MESD: variants seen among roughly 807,000 people sequenced by gnomAD.
The protein encoded by MESD is mesoderm development LRP chaperone, also known as LRP chaperone MESD.
MESD carries 7 observed loss-of-function variants against 12.9 expected under a neutral mutation model. The ratio of observed to expected loss-of-function variants is 0.54; its 90% CI spans 0.31 to 1.02. The LOEUF (loss-of-function observed/expected upper bound fraction) is 1.02. Ranked by LOEUF, MESD falls within the 50% of genes least tolerant of loss-of-function variation. MESD has a pLI of 0.05. For synonymous variants in MESD, 126 were observed against 115.6 expected, an observed-to-expected ratio of 1.09 and a Z score of -0.58; for missense variants, 342 against 296.7, an observed-to-expected ratio of 1.15 and a Z score of -1.12.
At chr15:80,972,525 G>A (rs999231361), downstream of MESD, among the ~76,000 whole-genome samples, 1 of 152,200 alleles carries the variant, frequency 6.6e-6, no homozygotes, top group Admixed American at 6.5e-5. Flanking sequence ...AGAGCTGTGG[G>A]TAGAAGTACA....
chr15:80,984,928 A>G (rs1481298176), intron 1 of MESD, among the ~76,000 whole-genome samples: 1 of 152,260 alleles, frequency 6.6e-6, no homozygotes, highest in East Asian at 1.9e-4. Flanking sequence ...AAGGTGATCC[A>G]TACCGACGTC....
intron 3 of MESD, among the ~76,000 whole-genome samples, chr15:80,956,925 C>T: frequency 6.6e-6 from 1 of 152,108 alleles, no homozygotes; most frequent in East Asian, 1.9e-4. Flanking sequence ...TCAAGGGATC[C>T]TCCTACCTCA....
At position 80,978,015 on chromosome 15, in the gene MESD, C is replaced by T. The variant is rs960863918; in HGVS notation, c.*1204G>A. The T allele has an allele frequency of 4.6e-5, 7 of 152,128 alleles. No homozygotes were observed. The highest frequency in any genetic ancestry group is 1.7e-4 in the African/African-American group (7 of 41,408). 9.4% of individuals were successfully genotyped at this position (152,128 alleles called of 1,614,324 possible). The stretch of plus-strand genomic sequence containing the variant: ...GGAAACAGATGCTGTGAGGCCAAAA[C>T]AAACATACATCACCATAAGTACATT... On this transcript the variant is annotated 3_prime_UTR_variant, in exon 3 of 3. Coordinates refer to ENST00000261758, the MANE Select transcript of MESD (RefSeq NM_015154.3).
chr15:80,966,032 T>A (rs1363172147), intron 3 of MESD, among the ~76,000 whole-genome samples: 1 of 152,220 alleles, frequency 6.6e-6, no homozygotes, highest in East Asian at 1.9e-4. Flanking sequence ...TAAAAATGAT[T>A]ATTAAAATGT....
chr15:80,954,358 C>T lies in MESD; in HGVS notation c.*289-2062G>A, dbSNP rs569538589. On this transcript the variant is annotated intron_variant, in intron 3 of 4. Transcript: ENST00000561312. The stretch of plus-strand genomic sequence containing the variant: ...CTGTGTTGAACAAAGGCATAAAAGC[C>T]GACCCTAGCGCAACCCTCCTGCCTC... Among the ~76,000 whole-genome samples, 11 of 151,886 alleles carry T rather than the reference C, an allele frequency of 7.2e-5. No individual in the cohort carries two copies. In the South Asian group the frequency reaches 1.2e-3, roughly 17 times the overall value.
chr15:80,982,626 G>A (rs1902611064), intron 1 of MESD, among the ~76,000 whole-genome samples: 1 of 152,196 alleles, frequency 6.6e-6, no homozygotes, highest in South Asian at 2.1e-4. Flanking sequence ...TCAAGAATGA[G>A]CAAAACTAAT....
intron 3 of MESD, among the ~76,000 whole-genome samples, chr15:80,954,542 T>G (rs1181580551): frequency 1.3e-5 from 2 of 152,146 alleles, no homozygotes; most frequent in Non-Finnish European, 2.9e-5. Flanking sequence ...CACAGGCACC[T>G]GGCAGTGCCC....
intron 2 of MESD, among the ~76,000 whole-genome samples, chr15:80,979,955 C>T (rs780064581): frequency 6.6e-6 from 1 of 152,188 alleles, no homozygotes; most frequent in Admixed American, 6.5e-5. Context: ...CTCAAGAGGA[C>T]ACTTGGTTGT....
intron 3 of MESD, chr15:80,952,792 C>A (rs1045705110): frequency 5.5e-6 from 2 of 361,814 alleles, no homozygotes; most frequent in Non-Finnish European, 1.1e-5. Flanking sequence ...AGAGAGTACA[C>A]GGCCTCTACC....
intron 3 of MESD, among the ~76,000 whole-genome samples, chr15:80,966,219 A>G (rs925705712): frequency 6.6e-6 from 1 of 151,954 alleles, no homozygotes; most frequent in Middle Eastern, 3.4e-3. Context: ...TTTTGGACCT[A>G]CTAATTACAT....
intron 1 of MESD, among the ~76,000 whole-genome samples, chr15:80,988,491 A>G (rs1473984512): frequency 6.6e-6 from 1 of 152,338 alleles, no homozygotes; most frequent in African/African-American, 2.4e-5. Flanking sequence ...GAGTCCAAAA[A>G]GAGACAAGGA....
chr15:80,959,661 T>A (rs989733668), intron 3 of MESD, among the ~76,000 whole-genome samples: 2 of 152,180 alleles, frequency 1.3e-5, no homozygotes, highest in African/African-American at 4.8e-5. Context: ...CATAAATTAT[T>A]AAAGATTTTT....
exon 5 of MESD, chr15:80,948,640 T>C: frequency 1.0e-6 from 1 of 968,590 alleles, no homozygotes. Context: ...GCACCATCAG[T>C]AGCTGAGCAC....
chr15:80,959,438 C>G (rs1186939246), intron 3 of MESD, among the ~76,000 whole-genome samples: 3 of 152,098 alleles, frequency 2.0e-5, no homozygotes, highest in Non-Finnish European at 4.4e-5. Context: ...GGGCCCTGTT[C>G]CAAGTGGCTG....
intron 1 of MESD, 110 bp downstream of exon 1, chr15:80,989,468 AG>A (rs1198614434): frequency 1.6e-6 from 2 of 1,252,800 alleles, no homozygotes; most frequent in Non-Finnish European, 2.2e-6. Flanking sequence ...TCAAGGCATG[AG>A]TAGAGGAGGT....
downstream of MESD, among the ~76,000 whole-genome samples, chr15:80,975,109 C>A (rs1902375963): frequency 6.6e-6 from 1 of 150,714 alleles, no homozygotes; most frequent in South Asian, 2.1e-4. Context: ...TAGAGCTGGG[C>A]GTGGTGACTC....
At chr15:80,947,951 T>C (rs1176899878) in exon 5 of MESD, 1 of 152,122 alleles carries the variant, frequency 6.6e-6, no homozygotes, top group Non-Finnish European at 1.5e-5. Flanking sequence ...ATGGAAAACA[T>C]CAAAATCAGA....
chr15:80,981,706 T>G (rs1015400905), intron 2 of MESD, among the ~76,000 whole-genome samples: 1 of 151,106 alleles, frequency 6.6e-6, no homozygotes, highest in Non-Finnish European at 1.5e-5. Context: ...AAATACAAAA[T>G]TAGCCAGGCA....
chr15:80,956,508 C>A (rs1186995328), intron 3 of MESD, among the ~76,000 whole-genome samples: 3 of 152,124 alleles, frequency 2.0e-5, no homozygotes, highest in African/African-American at 7.2e-5. Flanking sequence ...CGAGGGTGCT[C>A]TTCCAGAAAA....
Sources: allele counts gnomAD v4.1 joint callset (sites outside exome capture counted in the v4.1 genomes callset), GRCh38; gene constraint gnomAD v4.1.1; transcripts MANE v1.5; gene names NCBI Gene and HGNC (gene_info 2026-07-23, HGNC 2026-07-21).